TBC1D12: variants seen among roughly 807,000 people sequenced by gnomAD.
The protein encoded by TBC1D12 is TBC1 domain family member 12.
Under a neutral mutation model 86.7 loss-of-function variants are expected in TBC1D12, and 56 were observed. The observed-to-expected ratio is 0.65, with a 90% CI of 0.52 to 0.81. The LOEUF is 0.81. TBC1D12 is among the 30% of genes least tolerant of loss of function. The probability of loss-of-function intolerance (pLI) is 0.00; values close to 1 mark genes in which losing one functional copy is unlikely to be tolerated. For synonymous variants in TBC1D12, 421 were observed against 411.7 expected (o/e 1.02, Z -0.27); for missense variants, 1,023 against 1,038.8 (o/e 0.98, Z 0.21).
In TBC1D12 at chr10:94,403,417, C is replaced by T. The variant is rs749291715; in HGVS notation, c.804C>T (p.Asp268=). Residue 268 remains aspartate, a synonymous_variant, in exon 1 of 13, where the codon GAC becomes GAT. Transcript: ENST00000225235. ...GGAEPRLGFS[D]IHFNSRNTFQ... is the part of the protein sequence containing the mutation. ...CGGAGCCGCGCCTGGGCTTTTCTGA[C>T]ATTCACTTCAACTCTCGCAACACGT... 4.5e-6 allele frequency: 7 copies of T among 1,549,832 alleles called. No individual in the cohort carries two copies. The highest frequency in any genetic ancestry group is 1.4e-5 in the African/African-American group (1 of 71,630).
At chr10:94,425,995 T>C in intron 1 of TBC1D12, among the ~76,000 whole-genome samples, 1 of 152,192 alleles carries the variant, frequency 6.6e-6, no homozygotes, top group East Asian at 1.9e-4. Flanking sequence ...AGAAATATGA[T>C]TGATTTTTGT....
chr10:94,489,770 TAGAG>T (rs768980515), intron 3 of TBC1D12, among the ~76,000 whole-genome samples: 19 of 152,262 alleles, frequency 1.2e-4, no homozygotes, highest in Admixed American at 1.0e-3. Flanking sequence ...CCTGAAGAGA[TAGAG>T]AGAGATGGGA....
chr10:94,523,738 G>A (rs546482570), intron 11 of TBC1D12, among the ~76,000 whole-genome samples: 2 of 152,256 alleles, frequency 1.3e-5, no homozygotes, highest in African/African-American at 4.8e-5. Context: ...CAAGGCGGGA[G>A]GATTGCTGGA....
intron 1 of TBC1D12, among the ~76,000 whole-genome samples, chr10:94,428,808 T>A (rs7913343): frequency 6.6e-6 from 1 of 151,506 alleles, no homozygotes; most frequent in South Asian, 2.1e-4. Context: ...TTCGCAGGCT[T>A]ACGTGATCCT....
intron 1 of TBC1D12, among the ~76,000 whole-genome samples, chr10:94,431,651 T>C (rs1424184569): frequency 2.0e-5 from 3 of 152,160 alleles, no homozygotes; most frequent in Non-Finnish European, 4.4e-5. Flanking sequence ...TCAAAAGATG[T>C]GGGTTTGTTG....
chr10:94,442,082 CTT>C (rs78976375), intron 2 of TBC1D12, 63 bp downstream of exon 2: 234,188 of 1,175,388 alleles, frequency 0.2, 4,207 homozygotes, highest in East Asian at 0.28. Context: ...TCTTCTTCTT[CTT>C]TTTTTTTTTT....
At chr10:94,422,597 A>G (rs773555835) in intron 1 of TBC1D12, among the ~76,000 whole-genome samples, 3 of 151,988 alleles carry the variant, frequency 2.0e-5, no homozygotes, top group African/African-American at 4.8e-5. Context: ...TTTTTAAGAG[A>G]TAGAGTCTTG....
intron 1 of TBC1D12, among the ~76,000 whole-genome samples, chr10:94,439,731 T>C (rs765801890): frequency 2.6e-5 from 4 of 152,202 alleles, no homozygotes; most frequent in Non-Finnish European, 5.9e-5. Flanking sequence ...GGAGAAATGA[T>C]TAAAGGAATT....
chr10:94,429,102 T>TA (rs2055183469), intron 1 of TBC1D12, among the ~76,000 whole-genome samples: 1 of 151,962 alleles, frequency 6.6e-6, no homozygotes, highest in Middle Eastern at 3.2e-3. Context: ...TCTCCAATGT[T>TA]ACGGATATTT....
At position 94,522,059 on chromosome 10, in the gene TBC1D12, CT is replaced by C; in HGVS notation, c.1872del (p.Arg625ValfsTer6). On this transcript the variant is annotated frameshift_variant, in exon 10 of 13. Coordinates refer to ENST00000225235, the MANE Select transcript of TBC1D12 (RefSeq NM_015188.2). LOFTEE classifies it high-confidence loss of function. ...TCCTGAATAAGCCATGCCAGTTGGC[CT>C]TTTTTCGTGTGGATCACAGCATGGT... ...NLLNKPCQLA[F>X]FRVDHSMMLK... 6.2e-7 allele frequency: 1 copy of C among 1,612,306 alleles called. No homozygotes were observed. Among genetic ancestry groups the C allele is most frequent in the South Asian group, 1.1e-5 (1 of 90,798 alleles).
intron 1 of TBC1D12, among the ~76,000 whole-genome samples, chr10:94,406,415 A>C (rs949806555): frequency 1.4e-4 from 21 of 152,154 alleles, no homozygotes; most frequent in African/African-American, 4.6e-4. Flanking sequence ...CCTTTATATG[A>C]CATTCTTGGG....
chr10:94,442,945 C>G (rs1177671666), intron 2 of TBC1D12, among the ~76,000 whole-genome samples: 1 of 152,050 alleles, frequency 6.6e-6, no homozygotes, highest in Admixed American at 6.6e-5. Flanking sequence ...GTAGTTAATT[C>G]TTTTTTTCTT....
intron 2 of TBC1D12, among the ~76,000 whole-genome samples, chr10:94,452,580 T>C (rs1054945927): frequency 6.6e-6 from 1 of 152,164 alleles, no homozygotes; most frequent in African/African-American, 2.4e-5. Flanking sequence ...GTAATATACA[T>C]TTATATTTCT....
chr10:94,422,305 T>C (rs1251622663), intron 1 of TBC1D12, among the ~76,000 whole-genome samples: 1 of 147,872 alleles, frequency 6.8e-6, no homozygotes, highest in Non-Finnish European at 1.5e-5. Flanking sequence ...TTCTCGTGCC[T>C]CAGCCTCCCA....
At chr10:94,510,236 C>A in intron 8 of TBC1D12, 57 bp downstream of exon 8, 2 of 1,257,674 alleles carry the variant, frequency 1.6e-6, no homozygotes, top group Non-Finnish European at 2.2e-6. Context: ...ATATCCAAGG[C>A]AACAGATTCT....
intron 11 of TBC1D12, among the ~76,000 whole-genome samples, chr10:94,522,697 T>C (rs1339382933): frequency 1.3e-5 from 2 of 152,018 alleles, no homozygotes; most frequent in South Asian, 2.1e-4. Context: ...GCGGATCACC[T>C]GAGGTCAGGA....
chr10:94,444,858 A>G (rs374472151), intron 2 of TBC1D12, among the ~76,000 whole-genome samples: 2 of 150,902 alleles, frequency 1.3e-5, no homozygotes, highest in Admixed American at 6.6e-5. Context: ...CAGCCTCCCA[A>G]GTAGCTGGGA....
At chr10:94,452,868 A>G (rs1236160518) in intron 2 of TBC1D12, among the ~76,000 whole-genome samples, 1 of 152,236 alleles carries the variant, frequency 6.6e-6, no homozygotes, top group African/African-American at 2.4e-5. Flanking sequence ...GATATCTTCC[A>G]AAGTGGTTGT....
chr10:94,439,683 C>G (rs953552180), intron 1 of TBC1D12, among the ~76,000 whole-genome samples: 1 of 152,118 alleles, frequency 6.6e-6, no homozygotes, highest in Non-Finnish European at 1.5e-5. Context: ...TTGGTGCCCT[C>G]TACCCAGAAA....
Sources: gnomAD v4.1 joint callset for allele counts (sites outside exome capture counted in the v4.1 genomes callset) on GRCh38, gnomAD v4.1.1 for gene constraint, MANE v1.5 for transcripts, NCBI Gene and HGNC (gene_info 2026-07-23, HGNC 2026-07-21) for gene names.